PTPRD: variants seen among roughly 807,000 people sequenced by gnomAD.
PTPRD encodes protein tyrosine phosphatase receptor type D.
PTPRD carries 34 observed loss-of-function variants against 214.5 expected under a neutral mutation model. That is an observed-to-expected ratio of 0.16 (90% CI 0.12 to 0.21). The LOEUF (loss-of-function observed/expected upper bound fraction) is 0.21. PTPRD is among the 10% of genes least tolerant of loss of function. The pLI is 1.00. For synonymous variants in PTPRD, 1,128 were observed against 845.7 expected, an observed-to-expected ratio of 1.33 and a Z score of -5.79; for missense variants, 2,545 against 2,398.7, an observed-to-expected ratio of 1.06 and a Z score of -1.27.
chr9:8,982,845 A>C (rs1388292596), intron 11 of PTPRD, among the ~76,000 whole-genome samples: 1 of 151,890 alleles, frequency 6.6e-6, no homozygotes, highest in African/African-American at 2.4e-5. Context: ...CTCCTTTTTG[A>C]GACTATTCAC....
intron 7 of PTPRD, among the ~76,000 whole-genome samples, chr9:9,603,288 G>C (rs1425459069): frequency 6.6e-6 from 1 of 152,134 alleles, no homozygotes; most frequent in African/African-American, 2.4e-5. Flanking sequence ...CCTTGCATAG[G>C]CATGAGTCAG....
chr9:8,674,486 A>G (rs2097359948), intron 12 of PTPRD, among the ~76,000 whole-genome samples: 1 of 146,898 alleles, frequency 6.8e-6, no homozygotes, highest in Admixed American at 6.8e-5. Context: ...AAAAAAAAGC[A>G]TGAAGTTAAT....
At chr9:9,533,537 T>C (rs2154266111) in intron 8 of PTPRD, among the ~76,000 whole-genome samples, 1 of 152,254 alleles carries the variant, frequency 6.6e-6, no homozygotes, top group Middle Eastern at 3.4e-3. Context: ...GTAATTTTTC[T>C]ATTTTTCAAA....
chr9:10,233,763 G>A lies in PTPRD; in HGVS notation c.-545+107200C>T, dbSNP rs572922659. On this transcript the variant is annotated intron_variant, in intron 3 of 45. Transcript: ENST00000381196. The stretch of plus-strand genomic sequence containing the variant: ...ATTTTCATATTCAGCTTGGGAATTC[G>A]TATAACAGACAACATAACGCCTGGA... 7.9e-5 allele frequency among the ~76,000 whole-genome samples: 12 copies of A among 151,944 alleles called. No homozygotes were observed. The East Asian group carries it at 1.6e-3, about 20-fold the overall frequency.
At chr9:8,539,417 C>T (rs1271640206) in intron 14 of PTPRD, among the ~76,000 whole-genome samples, 1 of 151,818 alleles carries the variant, frequency 6.6e-6, no homozygotes, top group African/African-American at 2.4e-5. Context: ...CATGATTTTG[C>T]TGTATTCTAA....
chr9:10,201,088 T>C (rs1341886464), intron 3 of PTPRD, among the ~76,000 whole-genome samples: 2 of 151,936 alleles, frequency 1.3e-5, no homozygotes, highest in East Asian at 3.9e-4. Context: ...ATGTTTGGAG[T>C]TATAAAAATG....
chr9:10,248,689 G>A (rs865944572), intron 3 of PTPRD, among the ~76,000 whole-genome samples: 1 of 152,146 alleles, frequency 6.6e-6, no homozygotes, highest in African/African-American at 2.4e-5. Flanking sequence ...TGAGAGATGT[G>A]AGTTCTTTAG....
At chr9:10,522,288 A>T (rs1199487999) in intron 2 of PTPRD, among the ~76,000 whole-genome samples, 3 of 152,166 alleles carry the variant, frequency 2.0e-5, no homozygotes, top group Middle Eastern at 3.2e-3. Flanking sequence ...GCAGTAAAAT[A>T]TGAGGCTCTG....
At chr9:9,065,440 G>A (rs770022690) in intron 10 of PTPRD, among the ~76,000 whole-genome samples, 2 of 152,166 alleles carry the variant, frequency 1.3e-5, no homozygotes, top group Non-Finnish European at 2.9e-5. Context: ...GAACACCAAG[G>A]AGGTCAGTGT....
chr9:9,149,838 C>G (rs903128895), intron 10 of PTPRD, among the ~76,000 whole-genome samples: 8 of 152,100 alleles, frequency 5.3e-5, no homozygotes, highest in African/African-American at 1.9e-4. Flanking sequence ...TTCATGAGGG[C>G]GTATCACTGA....
At position 10,023,624 on chromosome 9, in the gene PTPRD, T is replaced by TC. The variant is rs199708493; in HGVS notation, c.-472+10093_-472+10094insG. ...TTGCCAGAACTTACATGGAACTATT[T>TC]TTTTTTTTCTAATAAAGTGTGAGAG... is the stretch of plus-strand genomic sequence containing the variant. On this transcript the variant is annotated intron_variant, in intron 4 of 45. Coordinates refer to ENST00000381196, the MANE Select transcript of PTPRD (RefSeq NM_002839.4). 6.3e-3 allele frequency among the ~76,000 whole-genome samples: 960 copies of TC among 152,114 alleles called. 8 individuals carry two copies. Among genetic ancestry groups the TC allele is most frequent in the African/African-American group, 0.021 (874 of 41,492 alleles).
In PTPRD at chr9:9,650,475, G is replaced by C. The variant is rs202037061; in HGVS notation, c.-286-75694C>G. On this transcript the variant is annotated intron_variant, in intron 7 of 45. Coordinates refer to ENST00000381196, the MANE Select transcript of PTPRD (RefSeq NM_002839.4). ...ATTTGGTTTGCTGATACTTTGTAGAGGATTTTTGCATCAATGTTCAACAAG... is the reference window on the plus strand; with the variant it reads ...ATTTGGTTTGCTGATACTTTGTAGACGATTTTTGCATCAATGTTCAACAAG... Among the ~76,000 whole-genome samples, 12 of 152,140 alleles carry C rather than the reference G, an allele frequency of 7.9e-5. No individual in the cohort carries two copies. The East Asian group carries it at 2.3e-3, about 29-fold the overall frequency.
intron 9 of PTPRD, among the ~76,000 whole-genome samples, chr9:9,392,460 C>G (rs1473628000): frequency 1.3e-5 from 2 of 152,158 alleles, no homozygotes; most frequent in African/African-American, 4.8e-5. Context: ...AAAATTGTCT[C>G]ATATCAGTAG....
At position 8,419,822 on chromosome 9, in the gene PTPRD, C is replaced by T. The variant is rs891152482; in HGVS notation, c.4087-15162G>A. Among the ~76,000 whole-genome samples the T allele has an allele frequency of 5.9e-5, 9 of 152,030 alleles. 2 individuals are homozygous for T. Among genetic ancestry groups the T allele is most frequent in the Admixed American group, 4.6e-4 (7 of 15,258 alleles). On this transcript the variant is annotated intron_variant, in intron 35 of 45. Transcript: ENST00000381196. ...TCCCTAATCTTATTTCACATACATT[C>T]AAGTAACAGAATATGAGAAAGAGAA...
intron 14 of PTPRD, among the ~76,000 whole-genome samples, chr9:8,536,720 G>A (rs1160855432): frequency 1.3e-5 from 2 of 151,964 alleles, no homozygotes; most frequent in Non-Finnish European, 2.9e-5. Flanking sequence ...GGCACCAAAA[G>A]TCAGTACAGA....
Position 9,298,624 on chromosome 9 carries a change from G to A in PTPRD, c.-203+98825C>T, listed in dbSNP as rs529829273. Among the ~76,000 whole-genome samples, 7 of 151,888 alleles carry A rather than the reference G, an allele frequency of 4.6e-5. No homozygotes were observed. In the East Asian group the frequency reaches 1.4e-3, roughly 30 times the overall value. ...AAAGATTATGATAACCAAATCAGTA[G>A]AGGAGCAATAAAGAAGCTGAAGCAG... On this transcript the variant is annotated intron_variant, in intron 9 of 45. Coordinates refer to ENST00000381196, the MANE Select transcript of PTPRD (RefSeq NM_002839.4).
chr9:9,811,854 T>C (rs1160581420), intron 5 of PTPRD, among the ~76,000 whole-genome samples: 3 of 152,200 alleles, frequency 2.0e-5, no homozygotes, highest in East Asian at 1.9e-4. Context: ...TTGACTCTAA[T>C]TGTGAAAGAA....
chr9:9,810,145 A>G (rs2046689430), intron 5 of PTPRD, among the ~76,000 whole-genome samples: 1 of 151,698 alleles, frequency 6.6e-6, no homozygotes, highest in African/African-American at 2.4e-5. Flanking sequence ...AAAAAAAAAA[A>G]AAAAGCAAAT....
chr9:9,561,548 A>G (rs2082955011), intron 8 of PTPRD, among the ~76,000 whole-genome samples: 1 of 152,260 alleles, frequency 6.6e-6, no homozygotes, highest in African/African-American at 2.4e-5. Flanking sequence ...AGATTTTCAC[A>G]AAGAACAAGC....
Sources: gnomAD v4.1 joint callset for allele counts (sites outside exome capture counted in the v4.1 genomes callset) on GRCh38, gnomAD v4.1.1 for gene constraint, MANE v1.5 for transcripts, NCBI Gene and HGNC (gene_info 2026-07-23, HGNC 2026-07-21) for gene names.